Variants in GABRG3 observed in about 807,000 individuals in gnomAD.
The protein encoded by GABRG3 is gamma-aminobutyric acid receptor subunit gamma-3.
In GABRG3, 25 loss-of-function variants were observed where a neutral mutation model predicts 48.8. The observed-to-expected ratio is 0.51, with a 90% CI of 0.37 to 0.72. The LOEUF is 0.72. GABRG3 is among the 30% of genes least tolerant of loss of function. The pLI is 0.00. For synonymous variants in GABRG3, 227 were observed against 217.6 expected, an observed-to-expected ratio of 1.04 and a Z score of -0.38; for missense variants, 394 against 577.9, an observed-to-expected ratio of 0.68 and a Z score of 3.26.
At chr15:27,219,685 C>T (rs866971598) in intron 3 of GABRG3, among the ~76,000 whole-genome samples, 1 of 152,218 alleles carries the variant, frequency 6.6e-6, no homozygotes, top group Non-Finnish European at 1.5e-5. Flanking sequence ...TGCTGGCTGG[C>T]CACTGTTGGG....
At chr15:27,527,766 AC>A in intron 8 of GABRG3, 137 bp downstream of exon 8, 1 of 1,029,668 alleles carries the variant, frequency 9.7e-7, no homozygotes, top group Non-Finnish European at 1.4e-6. Flanking sequence ...ACTTTTCAAA[AC>A]CAGACAGGGA....
chr15:27,263,119 G>A (rs74004769), intron 3 of GABRG3, among the ~76,000 whole-genome samples: 4,431 of 152,258 alleles, frequency 0.029, 210 homozygotes, highest in African/African-American at 0.1. Flanking sequence ...CGCTAGTGCC[G>A]CATCAGCAGT....
At chr15:27,162,780 A>T (rs1887238980) in intron 3 of GABRG3, among the ~76,000 whole-genome samples, 1 of 152,176 alleles carries the variant, frequency 6.6e-6, no homozygotes, top group Non-Finnish European at 1.5e-5. Context: ...AGGGTTCTGC[A>T]TTCACAGTTG....
intron 6 of GABRG3, among the ~76,000 whole-genome samples, chr15:27,484,606 T>A (rs1197161395): frequency 3.3e-5 from 5 of 152,120 alleles, no homozygotes; most frequent in South Asian, 4.1e-4. Context: ...GTTTCTAATA[T>A]CATTCTCCAA....
At chr15:27,308,385 A>T (rs945169281) in intron 3 of GABRG3, among the ~76,000 whole-genome samples, 1 of 145,592 alleles carries the variant, frequency 6.9e-6, no homozygotes, top group Non-Finnish European at 1.5e-5. Context: ...ATTTGTTTAT[A>T]TATAAACATA....
chr15:27,326,158 G>C (rs1457074299), intron 3 of GABRG3, among the ~76,000 whole-genome samples: 1 of 152,100 alleles, frequency 6.6e-6, no homozygotes, highest in East Asian at 1.9e-4. Context: ...CTTCAACCCT[G>C]GGCCTTTGCC....
At chr15:27,234,844 C>T (rs758132450) in intron 3 of GABRG3, among the ~76,000 whole-genome samples, 3 of 152,130 alleles carry the variant, frequency 2.0e-5, no homozygotes, top group Non-Finnish European at 1.5e-5. Context: ...CCTGTGTTGT[C>T]AAGGACCTGC....
At chr15:27,222,612 A>C (rs2140441705) in intron 3 of GABRG3, among the ~76,000 whole-genome samples, 1 of 152,330 alleles carries the variant, frequency 6.6e-6, no homozygotes, top group South Asian at 2.1e-4. Flanking sequence ...CCTAAGAACT[A>C]GAAATGGCAA....
At chr15:27,265,881 G>GTTTTTTTTTTTTTTTTTTTTTTTTT (rs147459440) in intron 3 of GABRG3, among the ~76,000 whole-genome samples, 3 of 124,858 alleles carry the variant, frequency 2.4e-5, no homozygotes, top group African/African-American at 7.4e-5. Context: ...ATTTTCTCCT[G>GTTTTTTTTTTTTTTTTTTTTTTTTT]GTTTTTTTTT....
chr15:27,498,911 G>A (rs749986562), intron 6 of GABRG3, among the ~76,000 whole-genome samples: 2 of 152,120 alleles, frequency 1.3e-5, no homozygotes, highest in East Asian at 1.9e-4. Context: ...GTGACTGTCC[G>A]CCACTCTGTC....
chr15:27,388,180 G>GAGGGAGGAA (rs1896042991), intron 5 of GABRG3, among the ~76,000 whole-genome samples: 1 of 89,648 alleles, frequency 1.1e-5, no homozygotes, highest in Non-Finnish European at 2.1e-5. Context: ...GGAAGGAAAG[G>GAGGGAGGAA]AGGGAGGGAG....
intron 3 of GABRG3, among the ~76,000 whole-genome samples, chr15:27,240,566 A>G (rs1228425651): frequency 6.6e-6 from 1 of 152,248 alleles, no homozygotes; most frequent in East Asian, 1.9e-4. Flanking sequence ...AAAATAAATC[A>G]TTTACAATAT....
At chr15:27,432,744 A>G (rs755022653) in intron 5 of GABRG3, among the ~76,000 whole-genome samples, 4 of 152,154 alleles carry the variant, frequency 2.6e-5, no homozygotes, top group Admixed American at 6.6e-5. Context: ...TATCTCCTCA[A>G]TGTATCTCTT....
chr15:27,194,399 A>G (rs1236385308), intron 3 of GABRG3, among the ~76,000 whole-genome samples: 2 of 152,084 alleles, frequency 1.3e-5, no homozygotes, highest in East Asian at 1.9e-4. Flanking sequence ...CTTTATTGTC[A>G]TGTCCTTTCA....
rs938170532 is a variant in GABRG3 at position 27,411,281 on chromosome 15, C to G, written c.575-69369C>G. On this transcript the variant is annotated intron_variant, in intron 5 of 9. Coordinates refer to ENST00000615808, the MANE Select transcript of GABRG3 (RefSeq NM_033223.5). Reference sequence around the variant, plus strand: ...GATTCAGGTCAAATAAAAATAAACCCTATGAATGAGGTTTTCTGACAGAGT... The same window carrying G: ...GATTCAGGTCAAATAAAAATAAACCGTATGAATGAGGTTTTCTGACAGAGT... Among the ~76,000 whole-genome samples the G allele has an allele frequency of 2.0e-5, 3 of 152,060 alleles. No homozygotes were observed. In the East Asian group the frequency reaches 5.8e-4, roughly 29 times the overall value.
chr15:27,064,118 C>T (rs888444991), intron 3 of GABRG3, among the ~76,000 whole-genome samples: 3 of 152,260 alleles, frequency 2.0e-5, no homozygotes, highest in South Asian at 2.1e-4. Flanking sequence ...GAACTGGACA[C>T]GTAGTGGGGT....
chr15:27,363,945 G>C (rs961077721), intron 5 of GABRG3: 6 of 152,090 alleles, frequency 3.9e-5, no homozygotes, highest in African/African-American at 1.4e-4. Flanking sequence ...ATTGAGTTTT[G>C]GTCCAGGAGT....
At chr15:27,519,871 T>G (rs1595807779) in intron 6 of GABRG3, 101 bp from the exon 7 acceptor site, 2 of 847,456 alleles carry the variant, frequency 2.4e-6, no homozygotes, top group East Asian at 5.4e-5. Context: ...TTGTGCATTT[T>G]TATCCAAGTC....
intron 5 of GABRG3, among the ~76,000 whole-genome samples, chr15:27,348,203 T>C (rs534736920): frequency 1.8e-4 from 27 of 149,570 alleles, no homozygotes; most frequent in Non-Finnish European, 3.5e-4. Context: ...TCATTAAAAC[T>C]TGAAACCAAA....
Sources: allele counts gnomAD v4.1 joint callset (sites outside exome capture counted in the v4.1 genomes callset), GRCh38; gene constraint gnomAD v4.1.1; transcripts MANE v1.5; gene names NCBI Gene and HGNC (gene_info 2026-07-23, HGNC 2026-07-21).